The following S100A10 variants were observed in gnomAD, a reference collection of about 807,000 sequenced individuals.
S100A10 encodes the protein S100 calcium binding protein A10.
A neutral mutation model predicts 7.1 loss-of-function variants in S100A10; 3 were observed. That is an observed-to-expected ratio of 0.42 (90% CI 0.19 to 1.10). The LOEUF is 1.10. Ranked by LOEUF, S100A10 falls within the 50% of genes least tolerant of loss-of-function variation. The probability of loss-of-function intolerance (pLI) is 0.29; values close to 1 mark genes in which losing one functional copy is unlikely to be tolerated. For missense variants in S100A10, 101 were observed against 118.1 expected (o/e 0.86, Z 0.67); for synonymous variants, 41 against 39.3 (o/e 1.04, Z -0.16).
intron 2 of S100A10, chr1:151,984,174 G>C (rs1054834629): frequency 6.6e-6 from 1 of 152,198 alleles, no homozygotes; most frequent in African/African-American, 2.4e-5. Context: ...ACCAGAGAGA[G>C]AAATATGGCC....
At position 151,987,976 on chromosome 1, in the gene S100A10, T is replaced by C. The variant is rs80197419; in HGVS notation, c.-21-1725A>G. ...TCACTTGAGAAGCAACAAGTAATAC[T>C]ATAACCTAACTCATTTGAGGGCCTC... On this transcript the variant is annotated intron_variant, in intron 1 of 2. Coordinates refer to ENST00000368811, the MANE Select transcript of S100A10 (RefSeq NM_002966.3). Among the ~76,000 whole-genome samples, 335 of 152,374 alleles carry C rather than the reference T, an allele frequency of 2.2e-3. 1 individual carries two copies. The highest frequency in any genetic ancestry group is 7.7e-3 in the African/African-American group (321 of 41,600).
intron 1 of S100A10, among the ~76,000 whole-genome samples, chr1:151,989,077 AG>A (rs1390882829): frequency 6.6e-6 from 1 of 152,206 alleles, no homozygotes; most frequent in Admixed American, 6.5e-5. Context: ...AAGGGAATGC[AG>A]CAGGGTAAGG....
intron 1 of S100A10, 31 bp from the exon 2 acceptor site, chr1:151,986,282 C>T (rs559918904): frequency 3.3e-6 from 5 of 1,497,190 alleles, no homozygotes; most frequent in Admixed American, 2.5e-5. Flanking sequence ...ACAGGGTCTA[C>T]ATTAACTTTT....
intron 2 of S100A10, among the ~76,000 whole-genome samples, chr1:151,983,621 C>T (rs1345463951): frequency 6.6e-6 from 1 of 151,966 alleles, no homozygotes; most frequent in Non-Finnish European, 1.5e-5. Flanking sequence ...TGGTCAAATC[C>T]CTTACAAAGG....
intron 2 of S100A10, chr1:151,985,101 CAG>C (rs1296055651): frequency 6.5e-6 from 1 of 152,936 alleles, no homozygotes; most frequent in Non-Finnish European, 1.5e-5. Context: ...TTGCAGGAGT[CAG>C]GGGCTGGACT....
intron 1 of S100A10, among the ~76,000 whole-genome samples, chr1:151,987,563 G>T (rs1319168395): frequency 8.0e-6 from 1 of 125,582 alleles, no homozygotes. Context: ...TTTTTGAGAC[G>T]GAGTCTTGCT....
Position 151,983,148 on chromosome 1 carries a change from A to G in S100A10, c.*15T>C, listed in dbSNP as rs374570536. The G allele has an allele frequency of 6.5e-7, 1 of 1,540,750 alleles. No individual in the cohort carries two copies. Among genetic ancestry groups the G allele is most frequent in the Non-Finnish European group, 8.7e-7 (1 of 1,149,050 alleles). On this transcript the variant is annotated 3_prime_UTR_variant, in exon 3 of 3. Coordinates refer to ENST00000368811, the MANE Select transcript of S100A10 (RefSeq NM_002966.3). ...GACAACTCTTATCAGGGAGGAGCGA[A>G]CTGCTCATTTCTGCCTACTTCTTTC...
chr1:151,987,014 C>A (rs1355940069), intron 1 of S100A10, among the ~76,000 whole-genome samples: 1 of 141,346 alleles, frequency 7.1e-6, no homozygotes. Flanking sequence ...AGAAAAGCAA[C>A]ATCAGTGTTC....
At chr1:151,992,907 A>G (rs1167114916) in intron 1 of S100A10, among the ~76,000 whole-genome samples, 1 of 152,180 alleles carries the variant, frequency 6.6e-6, no homozygotes, top group African/African-American at 2.4e-5. Flanking sequence ...GGCTAGGGGC[A>G]GCGCCATTCC....
intron 2 of S100A10, chr1:151,985,397 G>A (rs1399208008): frequency 6.6e-6 from 1 of 152,244 alleles, no homozygotes; most frequent in Admixed American, 6.5e-5. Context: ...TATCTGAGCT[G>A]ATGGCAGAGT....
chr1:151,984,599 G>C lies in S100A10; in HGVS notation c.133-1275C>G, dbSNP rs150270442. 1.8e-3 allele frequency among the ~76,000 whole-genome samples: 268 copies of C among 152,262 alleles called. 6 individuals carry two copies. The East Asian group carries it at 0.027, about 15-fold the overall frequency. ...CACTACATATACCCTTTATGTGTCT[G>C]ATGCCACAAAGCCTTTAGGAAGAAA... On this transcript the variant is annotated intron_variant, in intron 2 of 2. Coordinates refer to ENST00000368811, the MANE Select transcript of S100A10 (RefSeq NM_002966.3).
At chr1:151,992,904 G>A (rs78976434) in intron 1 of S100A10, among the ~76,000 whole-genome samples, 6,266 of 152,288 alleles carry the variant, frequency 0.041, 167 homozygotes, top group African/African-American at 0.073. Context: ...CACGGCTAGG[G>A]GCAGCGCCAT....
chr1:151,983,417 C>T, intron 2 of S100A10, 93 bp from the exon 3 acceptor site: 1 of 656,720 alleles, frequency 1.5e-6, no homozygotes, highest in Non-Finnish European at 2.3e-6. Context: ...GTGTATATAT[C>T]TCCCAATTAC....
chr1:151,983,069 T>G lies in S100A10; in HGVS notation c.*94A>C. The G allele has an allele frequency of 7.1e-6, 6 of 842,504 alleles. No homozygotes were observed. Among genetic ancestry groups the G allele is most frequent in the South Asian group, 2.8e-5 (1 of 35,738 alleles). The allele number at this position is 842,504 out of a possible 1,614,324, so 52.2% of individuals were successfully genotyped here. A position where few individuals can be genotyped will look rare whatever the true frequency, so the allele number is the denominator to read the frequency against. ...TTTGCTAAGTGTCCTGATCTGCTCA[T>G]GAAATCCTTCTATGGGGGAAGCTGT... is the stretch of plus-strand genomic sequence containing the variant. On this transcript the variant is annotated 3_prime_UTR_variant, in exon 3 of 3. Transcript: ENST00000368811.
In S100A10 at chr1:151,989,250, T is replaced by G. The variant is rs115927611; in HGVS notation, c.-21-2999A>C. 5.7e-3 allele frequency among the ~76,000 whole-genome samples: 871 copies of G among 152,230 alleles called. 6 individuals carry two copies. The highest frequency in any genetic ancestry group is 0.02 in the African/African-American group (831 of 41,524). ...GTCTGAAGTCACTCAGTCGCATGCC[T>G]CTCTTGCCCACAGCCATTACGAAGT... On this transcript the variant is annotated intron_variant, in intron 1 of 2. Transcript: ENST00000368811.
intron 2 of S100A10, among the ~76,000 whole-genome samples, chr1:151,984,386 C>T (rs1047044832): frequency 6.6e-6 from 1 of 152,180 alleles, no homozygotes; most frequent in Non-Finnish European, 1.5e-5. Context: ...CTATGCAGCT[C>T]TTGGTGGGTT....
At chr1:151,991,535 T>C (rs1247063939) in intron 1 of S100A10, among the ~76,000 whole-genome samples, 1 of 152,260 alleles carries the variant, frequency 6.6e-6, no homozygotes, top group Non-Finnish European at 1.5e-5. Context: ...AGTAAAGGGA[T>C]AGAAAGTGCT....
chr1:151,990,051 G>A (rs1572110314), intron 1 of S100A10, among the ~76,000 whole-genome samples: 2 of 152,306 alleles, frequency 1.3e-5, no homozygotes, highest in East Asian at 3.9e-4. Flanking sequence ...CTATATAACT[G>A]TTATGTGCAT....
At position 151,993,424 on chromosome 1, in the gene S100A10, A is replaced by G. The variant is rs1267308907; in HGVS notation, c.-22+328T>C. The stretch of plus-strand genomic sequence containing the variant: ...CCCGAGAGACGAGTGGGAAAGTAGG[A>G]AAGGTGGGAGTAAAGCAACGCAAAC... On this transcript the variant is annotated intron_variant, in intron 1 of 2. Coordinates refer to ENST00000368811, the MANE Select transcript of S100A10 (RefSeq NM_002966.3). The surrounding 1 kb of genome is among the most constrained non-coding windows in gnomAD (Gnocchi z 5.1). Among the ~76,000 whole-genome samples the G allele has an allele frequency of 6.6e-6, 1 of 152,126 alleles. No individual in the cohort carries two copies. Among genetic ancestry groups the G allele is most frequent in the Non-Finnish European group, 1.5e-5 (1 of 68,020 alleles).
Sources: allele counts gnomAD v4.1 joint callset (sites outside exome capture counted in the v4.1 genomes callset), GRCh38; gene constraint gnomAD v4.1.1; non-coding constraint Gnocchi (gnomAD v3.1); transcripts MANE v1.5; gene names NCBI Gene and HGNC (gene_info 2026-07-23, HGNC 2026-07-21).